Variants in ROBO3 observed in about 807,000 individuals in gnomAD.
ROBO3 encodes roundabout homolog 3.
Under a neutral mutation model 160.5 loss-of-function variants are expected in ROBO3, and 97 were observed. The observed-to-expected ratio is 0.60, with a 90% CI of 0.51 to 0.72. ROBO3 has a LOEUF of 0.72. Among genes scored for constraint, ROBO3 ranks in the 30% least tolerant of loss-of-function variants. ROBO3 has a pLI of 0.00. For missense variants in ROBO3, 1,858 were observed against 1,846.5 expected, an observed-to-expected ratio of 1.01 and a Z score of -0.11; for synonymous variants, 780 against 746.2, an observed-to-expected ratio of 1.05 and a Z score of -0.74.
chr11:124,875,838 T>C (rs1464990159), intron 15 of ROBO3, 116 bp from the exon 16 acceptor site: 2 of 1,447,354 alleles, frequency 1.4e-6, no homozygotes, highest in Non-Finnish European at 1.9e-6. Context: ...TTCCAAGTGT[T>C]GTTTCCAGGT....
rs375121971 is a variant in ROBO3, at chr11:124,874,081, G to C, written c.1796G>C (p.Gly599Ala). ...YVIEAFSPAA[G>A]NTWRTVADGV... ...CCTTCTTGTTGTAGCCCAGCAGCTGGCAACACATGGCGTACTGTGGCAGAT... is the reference window on the plus strand; with the variant it reads ...CCTTCTTGTTGTAGCCCAGCAGCTGCCAACACATGGCGTACTGTGGCAGAT... The change falls in exon 12 of 28, where the codon GGC becomes GCC. Residue 599 changes from glycine (G) to alanine (A), a missense_variant. Transcript: ENST00000397801. The C allele has an allele frequency of 4.3e-5, 69 of 1,613,772 alleles. No individual in the cohort carries two copies. The highest frequency in any genetic ancestry group is 5.6e-5 in the Non-Finnish European group (66 of 1,179,886).
intron 1 of ROBO3, among the ~76,000 whole-genome samples, chr11:124,866,313 T>TGGCG (rs1159980939): frequency 2.6e-5 from 4 of 152,156 alleles, no homozygotes; most frequent in Non-Finnish European, 2.9e-5. Flanking sequence ...GGCAGAGCTG[T>TGGCG]GGCGGGCGGG....
rs376294456 is a variant in ROBO3 at position 124,873,714 on chromosome 11, C to T, written c.1636C>T (p.Pro546Ser). Residue 546 changes from proline (P) to serine (S), a missense_variant, in exon 11 of 28, where the codon CCA (proline) becomes TCA (serine). Coordinates refer to ENST00000397801, the MANE Select transcript of ROBO3 (RefSeq NM_022370.4). This position sits in a 1 kb window ranked among gnomAD's most constrained non-coding sequence, Gnocchi z 4.5. ...CACTGCAGAAGACTGGGGAGTATCA[C>T]CAGACCCCCCTACAGAACCCAGTTC... ...LKMREDWGVS[P>S]DPPTEPSSPP... The T allele has an allele frequency of 3.8e-5, 61 of 1,612,636 alleles. No individual in the cohort carries two copies. Among genetic ancestry groups the T allele is most frequent in the Non-Finnish European group, 5.0e-5 (59 of 1,179,290 alleles).
chr11:124,880,725 A>C, intron 27 of ROBO3, 117 bp downstream of exon 27: 2 of 1,370,494 alleles, frequency 1.5e-6, no homozygotes, highest in Non-Finnish European at 1.9e-6. Context: ...AAAGGAGGGG[A>C]TCGAGAGGGT....
chr11:124,869,658 T>A lies in ROBO3; in HGVS notation c.645+51T>A. The A allele has an allele frequency of 4.7e-6, 7 of 1,501,070 alleles. No homozygotes were observed. Among genetic ancestry groups the A allele is most frequent in the Non-Finnish European group, 6.3e-6 (7 of 1,118,306 alleles). The allele number at this position is 1,501,070 out of a possible 1,614,324, so 93.0% of individuals were successfully genotyped here. A position where few individuals can be genotyped will look rare whatever the true frequency, so the allele number is the denominator to read the frequency against. ...CCCCAACAAGGGAGGGGACATAGGG[T>A]AGGGAGGTGACAAGGCTGGAGATTG... On this transcript the variant is annotated intron_variant, in intron 3 of 27. Transcript: ENST00000397801. This position sits in a 1 kb window ranked among gnomAD's most constrained non-coding sequence, Gnocchi z 4.2.
intron 27 of ROBO3, 151 bp from the exon 28 acceptor site, chr11:124,881,088 G>A (rs142627137): frequency 7.2e-5 from 51 of 712,204 alleles, no homozygotes; most frequent in African/African-American, 7.0e-4. Context: ...CAAAAGAAAT[G>A]ACAAGGGGTG....
At position 124,877,920 on chromosome 11, in the gene ROBO3, C is replaced by T. The variant is rs766285173; in HGVS notation, c.2987-17C>T. 1 of 1,562,892 alleles carries T rather than the reference C, an allele frequency of 6.4e-7. No homozygotes were observed. On this transcript the variant is annotated splice_polypyrimidine_tract_variant and intron_variant, in intron 20 of 27. Coordinates refer to ENST00000397801, the MANE Select transcript of ROBO3 (RefSeq NM_022370.4). ...TTTCTGTCTCTGCTTCCGGGCCTCCCTCTTTCTTCTCTGCAGAAGCGGGAA... is the reference window on the plus strand; with the variant it reads ...TTTCTGTCTCTGCTTCCGGGCCTCCTTCTTTCTTCTCTGCAGAAGCGGGAA...
chr11:124,869,278 C>T lies in ROBO3; in HGVS notation c.487+150C>T. The T allele has an allele frequency of 9.0e-7, 1 of 1,116,616 alleles. No individual in the cohort carries two copies. The highest frequency in any genetic ancestry group is 1.3e-6 in the Non-Finnish European group (1 of 756,432). The allele number at this position is 1,116,616 out of a possible 1,614,324, so 69.2% of individuals were successfully genotyped here. ...CGCGACCTTTGATCTCTAATGGCCA[C>T]ACCACGGCCAGAGAAGGAAGTGGAT... On this transcript the variant is annotated intron_variant, in intron 2 of 27. Coordinates refer to ENST00000397801, the MANE Select transcript of ROBO3 (RefSeq NM_022370.4). This position sits in a 1 kb window ranked among gnomAD's most constrained non-coding sequence, Gnocchi z 4.2.
At chr11:124,870,532 T>C in intron 5 of ROBO3, 69 bp from the exon 6 acceptor site, 1 of 1,606,180 alleles carries the variant, frequency 6.2e-7, no homozygotes, top group Non-Finnish European at 8.5e-7. Flanking sequence ...GACCCTGGTG[T>C]CTGTCCTGGG....
rs1297758415 is a variant in ROBO3, at chr11:124,876,072, C to A, written c.2540C>A (p.Ala847Glu). ...CTCCTCTATCGAACCCTGGTCGCGG[C>A]GGCCACCAGCGCAGGCGTGGGCGTG... ...PGLLYRTLVA[A>E]ATSAGVGVPS... is the part of the protein sequence containing the mutation. The change falls in exon 16 of 28, where the codon GCG (alanine) becomes GAG (glutamate). Residue 847 changes from alanine (A) to glutamate (E), a missense_variant. Coordinates refer to ENST00000397801, the MANE Select transcript of ROBO3 (RefSeq NM_022370.4). The surrounding 1 kb of genome is among the most constrained non-coding windows in gnomAD (Gnocchi z 5.3). 7.5e-6 allele frequency: 12 copies of A among 1,609,312 alleles called. No homozygotes were observed. The highest frequency in any genetic ancestry group is 8.5e-7 in the Non-Finnish European group (1 of 1,179,144).
intron 27 of ROBO3, 117 bp from the exon 28 acceptor site, chr11:124,881,121 AG>A: frequency 2.2e-6 from 2 of 929,942 alleles, no homozygotes; most frequent in Admixed American, 2.2e-5. Flanking sequence ...CACATAATAG[AG>A]GAGCCTGGGC....
At chr11:124,868,482 T>C in intron 1 of ROBO3, 1 of 593,876 alleles carries the variant, frequency 1.7e-6, no homozygotes, top group African/African-American at 1.9e-5. Flanking sequence ...CAAGCGTGGT[T>C]CAGCCACTCC....
At chr11:124,879,084 G>A in intron 23 of ROBO3, 106 bp from the exon 24 acceptor site, 1 of 1,313,392 alleles carries the variant, frequency 7.6e-7, no homozygotes, top group Non-Finnish European at 1.0e-6. Flanking sequence ...CGGACGGGTT[G>A]TGTCTCGTTT....
chr11:124,873,507 T>C lies in ROBO3; in HGVS notation c.1618+116T>C. ...AACTTTATGTCACAAATGCCATGGT[T>C]ACGGTGGTGAGGATGAGAAGGACAG... is the stretch of plus-strand genomic sequence containing the variant. On this transcript the variant is annotated intron_variant, in intron 10 of 27. Coordinates refer to ENST00000397801, the MANE Select transcript of ROBO3 (RefSeq NM_022370.4). The surrounding 1 kb of genome is among the most constrained non-coding windows in gnomAD (Gnocchi z 4.5). The C allele has an allele frequency of 9.1e-7, 1 of 1,099,402 alleles. No homozygotes were observed. The highest frequency in any genetic ancestry group is 1.4e-5 in the South Asian group (1 of 70,930). The allele number at this position is 1,099,402 out of a possible 1,614,324, so 68.1% of individuals were successfully genotyped here.
In ROBO3 at chr11:124,876,630, G is replaced by T. The variant is rs977294757; in HGVS notation, c.2779+170G>T. ...GATACGTGGGGCGACTCGAGGAGCTGCCAGGACTAGGGAGGGCTGCGGGCC... is the reference window on the plus strand; with the variant it reads ...GATACGTGGGGCGACTCGAGGAGCTTCCAGGACTAGGGAGGGCTGCGGGCC... On this transcript the variant is annotated intron_variant, in intron 17 of 27. Transcript: ENST00000397801. This position sits in a 1 kb window ranked among gnomAD's most constrained non-coding sequence, Gnocchi z 5.3. The T allele has an allele frequency of 1.8e-6, 1 of 546,606 alleles. No individual in the cohort carries two copies. Among genetic ancestry groups the T allele is most frequent in the East Asian group, 3.3e-5 (1 of 30,222 alleles). The allele number at this position is 546,606 out of a possible 1,614,324, so 33.9% of individuals were successfully genotyped here. A position where few individuals can be genotyped will look rare whatever the true frequency, so the allele number is the denominator to read the frequency against.
intron 7 of ROBO3, among the ~76,000 whole-genome samples, chr11:124,871,654 C>G (rs760906041): frequency 2.0e-5 from 3 of 152,192 alleles, no homozygotes. Flanking sequence ...TGAACATTAA[C>G]TGAAGTTACC....
chr11:124,869,345 A>G lies in ROBO3; in HGVS notation c.488-105A>G, dbSNP rs1946247108. Reference sequence around the variant, plus strand: ...ATTTTCTCACCTGGGAACGAATTCCAGTCTGCAGCGATCAACCCCTTCCCA... The same window carrying G: ...ATTTTCTCACCTGGGAACGAATTCCGGTCTGCAGCGATCAACCCCTTCCCA... On this transcript the variant is annotated intron_variant, in intron 2 of 27. Transcript: ENST00000397801. This position sits in a 1 kb window ranked among gnomAD's most constrained non-coding sequence, Gnocchi z 4.2. The G allele has an allele frequency of 8.4e-7, 1 of 1,195,342 alleles. No individual in the cohort carries two copies. The highest frequency in any genetic ancestry group is 1.2e-6 in the Non-Finnish European group (1 of 824,986). The allele number at this position is 1,195,342 out of a possible 1,614,324, so 74.0% of individuals were successfully genotyped here. A position where few individuals can be genotyped will look rare whatever the true frequency, so the allele number is the denominator to read the frequency against.
At position 124,865,574 on chromosome 11, in the gene ROBO3, A is replaced by C; in HGVS notation, c.-4A>C. 1.2e-6 allele frequency: 2 copies of C among 1,610,786 alleles called. No homozygotes were observed. The highest frequency in any genetic ancestry group is 1.7e-6 in the Non-Finnish European group (2 of 1,179,578). ...CCCAGTCCCGATCCCAGCTGGGTCG[A>C]GCCATGCTGCGCTACCTGCTGAAAA... On this transcript the variant is annotated 5_prime_UTR_variant, in exon 1 of 28. Coordinates refer to ENST00000397801, the MANE Select transcript of ROBO3 (RefSeq NM_022370.4). This position sits in a 1 kb window ranked among gnomAD's most constrained non-coding sequence, Gnocchi z 5.5.
chr11:124,874,369 C>G, intron 12 of ROBO3, 133 bp downstream of exon 12: 1 of 799,404 alleles, frequency 1.3e-6, no homozygotes. Context: ...GGTGGCCCGG[C>G]CTGGAATAGG....
Sources: gnomAD v4.1 joint callset for allele counts (sites outside exome capture counted in the v4.1 genomes callset) on GRCh38, gnomAD v4.1.1 for gene constraint, Gnocchi (gnomAD v3.1) non-coding constraint, MANE v1.5 for transcripts, NCBI Gene and HGNC (gene_info 2026-07-23, HGNC 2026-07-21) for gene names.